The following FES variants were observed in gnomAD, a reference collection of about 807,000 sequenced individuals.
The protein encoded by FES is FES proto-oncogene, tyrosine kinase, also known as tyrosine-protein kinase Fes/Fps.
Under a neutral mutation model 109.6 loss-of-function variants are expected in FES, and 83 were observed. That is an observed-to-expected ratio of 0.76 (90% CI 0.63 to 0.91). The LOEUF is 0.91. FES is among the 40% of genes least tolerant of loss of function. The probability of loss-of-function intolerance (pLI) is 0.00; values close to 1 mark genes in which losing one functional copy is unlikely to be tolerated. For synonymous variants in FES, 458 were observed against 442.1 expected, an observed-to-expected ratio of 1.04 and a Z score of -0.45; for missense variants, 943 against 1,070.9, an observed-to-expected ratio of 0.88 and a Z score of 1.67.
In FES at chr15:90,885,325, C is replaced by T. The variant is rs1041416835; in HGVS notation, c.213+67C>T. 7 of 1,599,234 alleles carry T rather than the reference C, an allele frequency of 4.4e-6. No individual in the cohort carries two copies. In the East Asian group the frequency reaches 9.0e-5, roughly 20 times the overall value. ...CCTTCTCCTTCCTCTCCTGGGGGCC[C>T]TCTGGGGCAGTGGCTGGAGATCTGG... On this transcript the variant is annotated intron_variant, in intron 2 of 18. Transcript: ENST00000328850.
chr15:90,892,453 C>T, intron 13 of FES: 3 of 575,398 alleles, frequency 5.2e-6, no homozygotes, highest in Non-Finnish European at 9.3e-6. Flanking sequence ...GAATGCTTTT[C>T]AAACCCAAGG....
rs1177999759 is a variant in FES at position 90,890,976 on chromosome 15, G to A, written c.1321-6G>A. Reference sequence around the variant, plus strand: ...AGTGACTCCTCCTCGATCCTCCCTTGCCCAGCTCCCTCCACCGCTGCAGCT... The same window carrying A: ...AGTGACTCCTCCTCGATCCTCCCTTACCCAGCTCCCTCCACCGCTGCAGCT... On this transcript the variant is annotated splice_region_variant and splice_polypyrimidine_tract_variant and intron_variant, in intron 10 of 18. Transcript: ENST00000328850. 2 of 1,576,450 alleles carry A rather than the reference G, an allele frequency of 1.3e-6. No homozygotes were observed. Among genetic ancestry groups the A allele is most frequent in the South Asian group, 2.3e-5 (2 of 86,392 alleles).
chr15:90,889,840 G>C lies in FES; in HGVS notation c.927G>C (p.Thr309=). The C allele has an allele frequency of 1.2e-6, 2 of 1,613,660 alleles. No individual in the cohort carries two copies. The highest frequency in any genetic ancestry group is 1.3e-5 in the African/African-American group (1 of 74,978). ...AATGCTGCCCTTCTCTTGGGTGCAG[G>C]CTGACCTCAGTGACAGATGAGCTGG... The part of the protein sequence containing the change: ...NELTVESVQH[T]LTSVTDELAV... Residue 309 remains threonine, a splice_region_variant and synonymous_variant, in exon 8 of 19, where the codon ACG becomes ACC. Transcript: ENST00000328850. The surrounding 1 kb of genome is among the most constrained non-coding windows in gnomAD (Gnocchi z 6.1).
intron 10 of FES, 123 bp from the exon 11 acceptor site, chr15:90,890,859 G>A: frequency 1.0e-6 from 1 of 993,250 alleles, no homozygotes; most frequent in Non-Finnish European, 1.5e-6. Context: ...GGATGGCTCT[G>A]CATGCCACTC....
At chr15:90,888,653 G>T (rs969419922) in intron 5 of FES, among the ~76,000 whole-genome samples, 4 of 152,204 alleles carry the variant, frequency 2.6e-5, no homozygotes, top group Non-Finnish European at 5.9e-5. Flanking sequence ...TCACTCTGGG[G>T]ATTTGGCCTG....
In FES at chr15:90,889,153, A is replaced by T; in HGVS notation, c.669-153A>T. ...TATCAGGAAATAGAAGATTAGGGAG[A>T]GGTTAAATAATTTGCCTAGAGTGGC... On this transcript the variant is annotated intron_variant, in intron 5 of 18. Coordinates refer to ENST00000328850, the MANE Select transcript of FES (RefSeq NM_002005.4). The surrounding 1 kb of genome is among the most constrained non-coding windows in gnomAD (Gnocchi z 6.1). The T allele has an allele frequency of 1.2e-6, 1 of 865,824 alleles. No individual in the cohort carries two copies. Among genetic ancestry groups the T allele is most frequent in the Non-Finnish European group, 1.8e-6 (1 of 565,146 alleles). 53.6% of individuals were successfully genotyped at this position (865,824 alleles called of 1,614,324 possible).
At position 90,895,736 on chromosome 15, in the gene FES, T is replaced by A; in HGVS notation, c.*178T>A. The A allele has an allele frequency of 2.0e-6, 1 of 501,480 alleles. No homozygotes were observed. 31.1% of individuals were successfully genotyped at this position (501,480 alleles called of 1,614,324 possible). On this transcript the variant is annotated 3_prime_UTR_variant, in exon 19 of 19. Transcript: ENST00000328850. ...TGTCCCTGCTGCTGCCAGGGCTTCC[T>A]CTTCCGGGCAGAAACAATAAAACCA...
intron 11 of FES, 73 bp from the exon 12 acceptor site, chr15:90,891,481 C>G: frequency 6.2e-7 from 1 of 1,602,932 alleles, no homozygotes; most frequent in Non-Finnish European, 8.5e-7. Context: ...CCCTGCTGCT[C>G]TCCCTTTCCC....
intron 17 of FES, 56 bp from the exon 18 acceptor site, chr15:90,893,880 C>T: frequency 6.2e-7 from 1 of 1,609,992 alleles, no homozygotes; most frequent in Admixed American, 1.7e-5. Flanking sequence ...GGCTGCCTCG[C>T]CCTGGCCCCA....
intron 12 of FES, 42 bp from the exon 13 acceptor site, chr15:90,892,015 CT>C (rs762432890): frequency 1.2e-6 from 2 of 1,613,084 alleles, no homozygotes; most frequent in Non-Finnish European, 1.7e-6. Context: ...CCCAGCACCC[CT>C]TTTCTTCAGA....
chr15:90,885,673 C>G, intron 3 of FES, 88 bp downstream of exon 3: 1 of 1,506,396 alleles, frequency 6.6e-7, no homozygotes, highest in Non-Finnish European at 8.9e-7. Flanking sequence ...CCTGGATTCA[C>G]TGGGGAAGTG....
At position 90,891,189 on chromosome 15, in the gene FES, G is replaced by A. The variant is rs773083019; in HGVS notation, c.1528G>A (p.Asp510Asn). 3 of 1,553,490 alleles carry A rather than the reference G, an allele frequency of 1.9e-6. No homozygotes were observed. Among genetic ancestry groups the A allele is most frequent in the East Asian group, 4.8e-5 (2 of 41,580 alleles). ...LPRHFIIQSLDNLYRLEGEGF... is the reference protein window; with the variant it reads ...LPRHFIIQSLNNLYRLEGEGF... ...CCGGCACTTCATCATCCAGTCCTTGGATGTGAGTGGGGCTGGGACCCGAGC... is the reference window on the plus strand; with the variant it reads ...CCGGCACTTCATCATCCAGTCCTTGAATGTGAGTGGGGCTGGGACCCGAGC... Residue 510 changes from aspartate to asparagine, a missense_variant and splice_region_variant, in exon 11 of 19, where the codon GAT (aspartate) becomes AAT (asparagine). Coordinates refer to ENST00000328850, the MANE Select transcript of FES (RefSeq NM_002005.4).
intron 5 of FES, among the ~76,000 whole-genome samples, chr15:90,887,847 A>T (rs1324634046): frequency 6.6e-6 from 1 of 152,210 alleles, no homozygotes; most frequent in Non-Finnish European, 1.5e-5. Context: ...GGAGTGAATC[A>T]TGGGGCTATT....
At position 90,893,938 on chromosome 15, in the gene FES, C is replaced by T. The variant is rs751309645; in HGVS notation, c.2206C>T (p.Arg736Cys). 29 of 1,613,508 alleles carry T rather than the reference C, an allele frequency of 1.8e-5. No individual in the cohort carries two copies. Among genetic ancestry groups the T allele is most frequent in the East Asian group, 1.1e-4 (5 of 44,892 alleles). The part of the protein sequence containing the change: ...WTAPEALNYG[R>C]YSSESDVWSF... ...TCACCTCCTCGCCTCCTCTGCAGGC[C>T]GCTACTCCTCCGAAAGCGACGTGTG... Residue 736 changes from arginine (R) to cysteine (C), a missense_variant and splice_region_variant, in exon 18 of 19, where the codon CGC becomes TGC. Physicochemically the swap from Arg to Cys is radical, Grantham distance 180. Coordinates refer to ENST00000328850, the MANE Select transcript of FES (RefSeq NM_002005.4).
intron 13 of FES, chr15:90,892,323 G>A: frequency 1.6e-6 from 1 of 619,912 alleles, no homozygotes; most frequent in Non-Finnish European, 2.8e-6. Flanking sequence ...CCAGCACCCT[G>A]ACCTCATCAC....
chr15:90,884,859 G>A, intron 1 of FES, 178 bp from the exon 2 acceptor site: 1 of 608,790 alleles, frequency 1.6e-6, no homozygotes, highest in South Asian at 2.1e-5. Flanking sequence ...AAGCAATGAG[G>A]GCCAGTCCCC....
intron 14 of FES, 36 bp from the exon 15 acceptor site, chr15:90,893,064 C>T (rs1469735376): frequency 3.1e-6 from 5 of 1,601,014 alleles, no homozygotes; most frequent in Non-Finnish European, 4.3e-6. Flanking sequence ...GGAGGCGGGC[C>T]TGGCCACGTA....
chr15:90,885,180 A>G lies in FES; in HGVS notation c.135A>G (p.Ala45=), dbSNP rs758883431. The G allele has an allele frequency of 7.4e-6, 12 of 1,613,908 alleles. No individual in the cohort carries two copies. Among genetic ancestry groups the G allele is most frequent in the East Asian group, 4.5e-5 (2 of 44,890 alleles). ...GGGTCAAGAGTGACAGGGAGTATGC[A>G]GGACTGCTTCACCACATGTCCCTGC... The part of the protein sequence containing the change: ...AQRVKSDREY[A]GLLHHMSLQD... The change falls in exon 2 of 19, where the codon GCA becomes GCG. Residue 45 remains alanine, a synonymous_variant. Coordinates refer to ENST00000328850, the MANE Select transcript of FES (RefSeq NM_002005.4).
Position 90,885,204 on chromosome 15 carries a change from G to T in FES, c.159G>T (p.Leu53=). The T allele has an allele frequency of 6.2e-7, 1 of 1,613,694 alleles. No homozygotes were observed. The highest frequency in any genetic ancestry group is 8.5e-7 in the Non-Finnish European group (1 of 1,180,032). ...EYAGLLHHMS[L]QDSGGQSRAI... The stretch of plus-strand genomic sequence containing the variant: ...CAGGACTGCTTCACCACATGTCCCT[G>T]CAGGACAGTGGGGGCCAGAGCCGGG... Residue 53 remains leucine (L), a synonymous_variant, in exon 2 of 19, where the codon CTG becomes CTT. Coordinates refer to ENST00000328850, the MANE Select transcript of FES (RefSeq NM_002005.4).
Sources: allele counts gnomAD v4.1 joint callset (sites outside exome capture counted in the v4.1 genomes callset), GRCh38; gene constraint gnomAD v4.1.1; non-coding constraint Gnocchi (gnomAD v3.1); transcripts MANE v1.5; gene names NCBI Gene and HGNC (gene_info 2026-07-23, HGNC 2026-07-21).